Variants in PLEKHA8 observed in about 807,000 individuals in gnomAD.
PLEKHA8 encodes the protein pleckstrin homology domain containing A8.
In PLEKHA8, 36 loss-of-function variants were observed where a neutral mutation model predicts 68.2. The ratio of observed to expected loss-of-function variants is 0.53; its 90% CI spans 0.40 to 0.70. PLEKHA8 has a LOEUF of 0.70. PLEKHA8 is among the 30% of genes least tolerant of loss of function. The pLI is 0.00. For missense variants in PLEKHA8, 505 were observed against 615.4 expected, an observed-to-expected ratio of 0.82 and a Z score of 1.90; for synonymous variants, 211 against 216.1, an observed-to-expected ratio of 0.98 and a Z score of 0.20.
Position 30,115,632 on chromosome 7 carries a change from A to G in PLEKHA8, c.1363-13634A>G, listed in dbSNP as rs555642672. 2.9e-3 allele frequency among the ~76,000 whole-genome samples: 434 copies of G among 151,758 alleles called. 2 individuals carry two copies. Among genetic ancestry groups the G allele is most frequent in the African/African-American group, 0.01 (422 of 41,438 alleles). On this transcript the variant is annotated intron_variant, in intron 13 of 13. Coordinates refer to the PLEKHA8 transcript ENST00000396257. The stretch of plus-strand genomic sequence containing the variant: ...TTTATACATGCACACATACATGTAC[A>G]CATACATGCACACATGTACACATAC...
chr7:30,074,189 G>T, intron 13 of PLEKHA8, 57 bp downstream of exon 13: 1 of 1,482,448 alleles, frequency 6.7e-7, no homozygotes, highest in Non-Finnish European at 9.4e-7. Flanking sequence ...CAGTGGCTAG[G>T]GCTAGAAATC....
chr7:30,082,677 G>A lies in PLEKHA8; in HGVS notation c.*3890G>A. ...TGTTTTTAATTAAAAATATGTGATAGGGACCAAATAAGTAAAGTACATTTT... is the reference window on the plus strand; with the variant it reads ...TGTTTTTAATTAAAAATATGTGATAAGGACCAAATAAGTAAAGTACATTTT... On this transcript the variant is annotated 3_prime_UTR_variant, in exon 14 of 14. Transcript: ENST00000449726. 1 of 984,350 alleles carries A rather than the reference G, an allele frequency of 1.0e-6. No homozygotes were observed. The highest frequency in any genetic ancestry group is 1.2e-6 in the Non-Finnish European group (1 of 829,026). 61.0% of individuals were successfully genotyped at this position (984,350 alleles called of 1,614,324 possible).
intron 12 of PLEKHA8, among the ~76,000 whole-genome samples, chr7:30,064,952 C>T (rs1294184208): frequency 6.6e-6 from 1 of 152,150 alleles, no homozygotes; most frequent in Non-Finnish European, 1.5e-5. Context: ...TGGAACGGAA[C>T]CCAGCTGCTT....
exon 13 of PLEKHA8, chr7:30,090,709 G>A (rs1583459052): frequency 2.9e-6 from 2 of 680,512 alleles, no homozygotes; most frequent in Non-Finnish European, 3.6e-6. Context: ...TAAATTTTTT[G>A]GTAATCTTTT....
At chr7:30,115,814 A>G (rs1278988051) in intron 13 of PLEKHA8, 15 of 137,136 alleles carry the variant, frequency 1.1e-4, no homozygotes, top group East Asian at 8.1e-4. Context: ...ACACGCATGC[A>G]TGTATACATG....
chr7:30,115,760 A>G (rs867861625), intron 13 of PLEKHA8: 4 of 149,286 alleles, frequency 2.7e-5, no homozygotes, highest in African/African-American at 1.0e-4. Flanking sequence ...GTGCACATAC[A>G]TGTATACACG....
Position 30,038,011 on chromosome 7 carries a change from CAGTA to C in PLEKHA8, c.41-7071_41-7068del, listed in dbSNP as rs1385511144. ...ATTTTTAATTGTTTTTCCTGTTAAA[CAGTA>C]AGATTATGAACTTCTGCTTTCCTAG... On this transcript the variant is annotated intron_variant, in intron 1 of 13. Transcript: ENST00000449726. 2.0e-5 allele frequency among the ~76,000 whole-genome samples: 3 copies of C among 152,072 alleles called. No individual in the cohort carries two copies. In the East Asian group the frequency reaches 5.8e-4, roughly 29 times the overall value.
chr7:30,036,966 C>A (rs1791146743), intron 1 of PLEKHA8, among the ~76,000 whole-genome samples: 1 of 152,162 alleles, frequency 6.6e-6, no homozygotes, highest in African/African-American at 2.4e-5. Flanking sequence ...GCAGAGGAAC[C>A]CAAGGCTTTG....
intron 13 of PLEKHA8, among the ~76,000 whole-genome samples, chr7:30,114,556 A>T (rs987511122): frequency 3.3e-5 from 5 of 152,212 alleles, no homozygotes; most frequent in African/African-American, 1.2e-4. Flanking sequence ...TGTTTATTTT[A>T]CATTCCCTTT....
chr7:30,070,089 G>A (rs944747460), intron 12 of PLEKHA8, among the ~76,000 whole-genome samples: 3 of 151,718 alleles, frequency 2.0e-5, no homozygotes, highest in Non-Finnish European at 4.4e-5. Flanking sequence ...CACATGGCAG[G>A]GATATTTGCA....
At chr7:30,104,970 C>G (rs2128013724) in intron 13 of PLEKHA8, among the ~76,000 whole-genome samples, 1 of 152,088 alleles carries the variant, frequency 6.6e-6, no homozygotes. Context: ...TGATGATCCT[C>G]CTGTCTCAGC....
chr7:30,058,091 C>T (rs1216243123), intron 9 of PLEKHA8, among the ~76,000 whole-genome samples: 1 of 152,084 alleles, frequency 6.6e-6, no homozygotes. Context: ...TTGGCCATCC[C>T]TATCTCTTCC....
At chr7:30,041,398 C>T (rs1278951590) in intron 1 of PLEKHA8, among the ~76,000 whole-genome samples, 2 of 149,772 alleles carry the variant, frequency 1.3e-5, no homozygotes, top group African/African-American at 4.9e-5. Context: ...ATTTCAGTTG[C>T]TATTATAATT....
chr7:30,097,579 G>A (rs539367000), intron 13 of PLEKHA8, among the ~76,000 whole-genome samples: 20 of 151,536 alleles, frequency 1.3e-4, no homozygotes, highest in East Asian at 5.8e-4. Context: ...CATTCATTTC[G>A]TCTTCCATTG....
chr7:30,117,670 C>G (rs1469797235), intron 13 of PLEKHA8, among the ~76,000 whole-genome samples: 1 of 152,120 alleles, frequency 6.6e-6, no homozygotes, highest in Non-Finnish European at 1.5e-5. Context: ...TGCCACTGTA[C>G]TCCATCCAGC....
intron 1 of PLEKHA8, among the ~76,000 whole-genome samples, chr7:30,039,333 G>A (rs555365277): frequency 1.1e-3 from 164 of 152,278 alleles, no homozygotes; most frequent in African/African-American, 3.9e-3. Context: ...TGGCCAACAA[G>A]ATGAAAGCCC....
chr7:30,049,473 C>A, intron 5 of PLEKHA8, 91 bp downstream of exon 5: 1 of 1,457,806 alleles, frequency 6.9e-7, no homozygotes. Context: ...CCTTTAGTGA[C>A]TTATAAAGAC....
intron 13 of PLEKHA8, among the ~76,000 whole-genome samples, chr7:30,097,595 A>C (rs1795669686): frequency 6.6e-6 from 1 of 151,946 alleles, no homozygotes; most frequent in African/African-American, 2.4e-5. Context: ...CATTGCTGAT[A>C]CCCTTTCTTC....
chr7:30,115,937 C>T (rs1583486654), intron 13 of PLEKHA8: 2 of 114,042 alleles, frequency 1.8e-5, no homozygotes, highest in East Asian at 2.2e-4. Context: ...TACATGTATA[C>T]ATGCACACAT....
Sources: allele counts gnomAD v4.1 joint callset (sites outside exome capture counted in the v4.1 genomes callset), GRCh38; gene constraint gnomAD v4.1.1; transcripts MANE v1.5; gene names NCBI Gene and HGNC (gene_info 2026-07-23, HGNC 2026-07-21).